SLC22A3: variants seen among roughly 807,000 people sequenced by gnomAD.
SLC22A3 encodes the protein EMT organic cation transporter 3.
SLC22A3 carries 51 observed loss-of-function variants against 59.1 expected under a neutral mutation model. The observed-to-expected ratio is 0.86, with a 90% CI of 0.69 to 1.09. The LOEUF (loss-of-function observed/expected upper bound fraction) is 1.09. Ranked by LOEUF, SLC22A3 falls within the 50% of genes least tolerant of loss-of-function variation. The pLI is 0.00. For missense variants in SLC22A3, 711 were observed against 726.3 expected (o/e 0.98, Z 0.24); for synonymous variants, 325 against 292.0 (o/e 1.11, Z -1.15).
chr6:160,348,503 G>C lies in SLC22A3; in HGVS notation c.84G>C (p.Thr28=), dbSNP rs1209262419. The C allele has an allele frequency of 6.4e-7, 1 of 1,563,220 alleles. No individual in the cohort carries two copies. Among genetic ancestry groups the C allele is most frequent in the African/African-American group, 1.4e-5 (1 of 70,770 alleles). The change falls in exon 1 of 11, where the codon ACG becomes ACC. Residue 28 remains threonine, a synonymous_variant. Transcript: ENST00000275300. ...GCGTGTTTTTGCTGCTGTGCCTGAC[G>C]GGCGTCACCTTCGCCTTCCTCTTCG... ...QRRVFLLLCL[T]GVTFAFLFVG...
At chr6:160,394,926 C>G (rs1365232235) in intron 1 of SLC22A3, among the ~76,000 whole-genome samples, 1 of 152,186 alleles carries the variant, frequency 6.6e-6, no homozygotes, top group Non-Finnish European at 1.5e-5. Flanking sequence ...CAGCCAGAAG[C>G]AGAATGTCCA....
At chr6:160,373,806 G>A (rs1785489667) in intron 1 of SLC22A3, among the ~76,000 whole-genome samples, 1 of 152,132 alleles carries the variant, frequency 6.6e-6, no homozygotes, top group Non-Finnish European at 1.5e-5. Context: ...TGTTTACACG[G>A]TGAGGGGGAA....
At chr6:160,418,891 C>T (rs1189212993) in intron 5 of SLC22A3, among the ~76,000 whole-genome samples, 6 of 152,132 alleles carry the variant, frequency 3.9e-5, no homozygotes, top group South Asian at 2.1e-4. Flanking sequence ...AAGCTTTGAT[C>T]GTAGTTTCCT....
intron 1 of SLC22A3, among the ~76,000 whole-genome samples, chr6:160,390,477 TC>T (rs1398655315): frequency 6.6e-6 from 1 of 152,108 alleles, no homozygotes; most frequent in East Asian, 1.9e-4. Flanking sequence ...TCAGAGTCTG[TC>T]CTGAGAGACA....
At position 160,415,564 on chromosome 6, in the gene SLC22A3, C is replaced by T. The variant is rs1407143780; in HGVS notation, c.975+4718C>T. 6.6e-6 allele frequency among the ~76,000 whole-genome samples: 1 copy of T among 152,198 alleles called. No homozygotes were observed. Among genetic ancestry groups the T allele is most frequent in the Non-Finnish European group, 1.5e-5 (1 of 68,034 alleles). On this transcript the variant is annotated intron_variant, in intron 5 of 10. Transcript: ENST00000275300. The surrounding 1 kb of genome is among the most constrained non-coding windows in gnomAD (Gnocchi z 4.1). Reference sequence around the variant, plus strand: ...TCAGACCCACGACTGAAGTTCCCAGCAATCTCTTTTTACTTTTCACAGAAT... The same window carrying T: ...TCAGACCCACGACTGAAGTTCCCAGTAATCTCTTTTTACTTTTCACAGAAT...
Position 160,348,729 on chromosome 6 carries a change from G to T in SLC22A3, c.310G>T (p.Ala104Ser). 1 of 1,528,124 alleles carries T rather than the reference G, an allele frequency of 6.5e-7. No homozygotes were observed. Among genetic ancestry groups the T allele is most frequent in the Non-Finnish European group, 8.7e-7 (1 of 1,143,966 alleles). The allele number at this position is 1,528,124 out of a possible 1,614,324, so 94.7% of individuals were successfully genotyped here. A position where few individuals can be genotyped will look rare whatever the true frequency, so the allele number is the denominator to read the frequency against. Residue 104 changes from alanine to serine, a missense_variant, in exon 1 of 11, where the codon GCC becomes TCC. Transcript: ENST00000275300. ...GGAGGCGGCCAACGACAGCGCCTCC[G>T]CCACTAGCGCTCTCAGCTGCGCGGA... ...LLEAANDSAS[A>S]TSALSCADPL...
At chr6:160,376,575 C>T (rs1785603721) in intron 1 of SLC22A3, among the ~76,000 whole-genome samples, 1 of 152,108 alleles carries the variant, frequency 6.6e-6, no homozygotes, top group South Asian at 2.1e-4. Context: ...TGAAGCATGC[C>T]ATGGTACTTG....
At chr6:160,349,098 A>G in intron 1 of SLC22A3, 1 of 984,242 alleles carries the variant, frequency 1.0e-6, no homozygotes, top group Non-Finnish European at 1.2e-6. Flanking sequence ...GGGTGTGAAC[A>G]AAAACTTTCT....
At chr6:160,429,763 A>C (rs1344954264) in intron 5 of SLC22A3, among the ~76,000 whole-genome samples, 1 of 152,130 alleles carries the variant, frequency 6.6e-6, no homozygotes, top group African/African-American at 2.4e-5. Flanking sequence ...ATCCTGCCTT[A>C]AGCCTGGTAG....
chr6:160,442,892 T>C, intron 8 of SLC22A3, 23 bp downstream of exon 8: 1 of 1,559,454 alleles, frequency 6.4e-7, no homozygotes, highest in Non-Finnish European at 8.8e-7. Flanking sequence ...AACGTTATAG[T>C]TTCTCCTAAG....
At chr6:160,411,369 C>T (rs1481176459) in intron 5 of SLC22A3, among the ~76,000 whole-genome samples, 2 of 152,158 alleles carry the variant, frequency 1.3e-5, no homozygotes, top group African/African-American at 4.8e-5. Context: ...GTCTTTCTCC[C>T]TTTCTTCTTT....
intron 8 of SLC22A3, 108 bp from the exon 9 acceptor site, chr6:160,443,522 A>G (rs1472996678): frequency 1.7e-5 from 13 of 766,098 alleles, no homozygotes; most frequent in Non-Finnish European, 2.7e-5. Context: ...TAGAAAATGC[A>G]AAGTATCTTC....
At chr6:160,351,407 G>A (rs1455268982) in intron 1 of SLC22A3, among the ~76,000 whole-genome samples, 1 of 152,198 alleles carries the variant, frequency 6.6e-6, no homozygotes, top group East Asian at 1.9e-4. Context: ...GAGCCACCGC[G>A]CCCAGCCTCT....
Position 160,437,015 on chromosome 6 carries a change from G to A in SLC22A3, c.1092G>A (p.Val364=), listed in dbSNP as rs535184468. 8.4e-5 allele frequency: 136 copies of A among 1,614,124 alleles called. No homozygotes were observed. In the East Asian group the frequency reaches 1.8e-3, roughly 22 times the overall value. ...GCTACAGGTTCACAAGCGCAGTGGT[G>A]TATCAAGGACTTGTCATGCGCCTGG... ...LMFAWFTSAV[V]YQGLVMRLGI... is the part of the protein sequence containing the mutation. Residue 364 remains valine, a synonymous_variant, in exon 7 of 11, where the codon GTG becomes GTA. Coordinates refer to ENST00000275300, the MANE Select transcript of SLC22A3 (RefSeq NM_021977.4).
chr6:160,385,498 A>C (rs1048576847), intron 1 of SLC22A3, among the ~76,000 whole-genome samples: 5 of 152,174 alleles, frequency 3.3e-5, no homozygotes, highest in African/African-American at 4.8e-5. Flanking sequence ...GAAGGAGGTA[A>C]GCCCTCCCTT....
chr6:160,369,976 C>T (rs1424434478), intron 1 of SLC22A3, among the ~76,000 whole-genome samples: 4 of 152,182 alleles, frequency 2.6e-5, no homozygotes, highest in African/African-American at 4.8e-5. Context: ...ACTGATTTGG[C>T]AGAGAGTAGT....
At chr6:160,363,942 A>G (rs1052842310) in intron 1 of SLC22A3, among the ~76,000 whole-genome samples, 1 of 151,872 alleles carries the variant, frequency 6.6e-6, no homozygotes, top group African/African-American at 2.4e-5. Flanking sequence ...TGGGATACGA[A>G]CTTTCAGTAT....
chr6:160,409,228 G>A (rs1253438213), intron 4 of SLC22A3, among the ~76,000 whole-genome samples: 2 of 98,832 alleles, frequency 2.0e-5, no homozygotes, highest in Non-Finnish European at 4.0e-5. Context: ...GTGTCCATGT[G>A]ATCTCATTGT....
chr6:160,359,596 G>A (rs551787785), intron 1 of SLC22A3, among the ~76,000 whole-genome samples: 1 of 152,294 alleles, frequency 6.6e-6, no homozygotes, highest in South Asian at 2.1e-4. Context: ...GCCAAAAGGA[G>A]AGCCTGCAGT....
Sources: gnomAD v4.1 joint callset for allele counts (sites outside exome capture counted in the v4.1 genomes callset) on GRCh38, gnomAD v4.1.1 for gene constraint, Gnocchi (gnomAD v3.1) non-coding constraint, MANE v1.5 for transcripts, NCBI Gene and HGNC (gene_info 2026-07-23, HGNC 2026-07-21) for gene names.